APPBP2: variants seen among roughly 807,000 people sequenced by gnomAD.
APPBP2 encodes the protein amyloid beta precursor protein binding protein 2, also known as amyloid protein-binding protein 2.
A neutral mutation model predicts 76.0 loss-of-function variants in APPBP2; 15 were observed. The observed-to-expected ratio is 0.20, with a 90% CI of 0.13 to 0.30. The LOEUF (loss-of-function observed/expected upper bound fraction) is 0.30. Ranked by LOEUF, APPBP2 falls within the 10% of genes least tolerant of loss-of-function variation. APPBP2 has a pLI of 1.00. For synonymous variants in APPBP2, 222 were observed against 242.2 expected, an observed-to-expected ratio of 0.92 and a Z score of 0.77; for missense variants, 401 against 687.2, an observed-to-expected ratio of 0.58 and a Z score of 4.66.
intron 4 of APPBP2, among the ~76,000 whole-genome samples, chr17:60,472,393 T>C (rs2090559840): frequency 1.3e-5 from 2 of 152,242 alleles, no homozygotes; most frequent in African/African-American, 4.8e-5. Flanking sequence ...AGGTAAATTG[T>C]CCATTTCTAA....
chr17:60,459,225 T>G (rs933870581), intron 9 of APPBP2, among the ~76,000 whole-genome samples: 1 of 152,182 alleles, frequency 6.6e-6, no homozygotes, highest in Non-Finnish European at 1.5e-5. Flanking sequence ...TAGTTTGGGT[T>G]GACAGATAAT....
At chr17:60,517,804 A>G (rs973360527) in intron 1 of APPBP2, among the ~76,000 whole-genome samples, 9 of 152,162 alleles carry the variant, frequency 5.9e-5, no homozygotes, top group African/African-American at 2.2e-4. Context: ...GAATTCCTCC[A>G]GATTTTCTTT....
intron 1 of APPBP2, among the ~76,000 whole-genome samples, chr17:60,501,961 T>A (rs188128455): frequency 6.6e-6 from 1 of 152,190 alleles, no homozygotes; most frequent in Non-Finnish European, 1.5e-5. Context: ...CACCACATGC[T>A]CACGAAGGAA....
At chr17:60,460,538 A>C in intron 9 of APPBP2, 125 bp downstream of exon 9, 1 of 970,810 alleles carries the variant, frequency 1.0e-6, no homozygotes, top group Non-Finnish European at 1.4e-6. Context: ...CTCCAGGAAG[A>C]CAAGTTCAAT....
intron 12 of APPBP2, among the ~76,000 whole-genome samples, chr17:60,450,553 G>T (rs1017813714): frequency 6.6e-6 from 1 of 151,818 alleles, no homozygotes; most frequent in African/African-American, 2.4e-5. Flanking sequence ...AGGATTACTT[G>T]AGCTCAGGAG....
At chr17:60,450,507 GCC>G (rs1337684048) in intron 12 of APPBP2, among the ~76,000 whole-genome samples, 1 of 151,616 alleles carries the variant, frequency 6.6e-6, no homozygotes, top group Non-Finnish European at 1.5e-5. Flanking sequence ...AGTGGCTCAT[GCC>G]TATAATCCCA....
intron 8 of APPBP2, chr17:60,460,991 C>A (rs1567920770): frequency 1.2e-5 from 4 of 323,784 alleles, no homozygotes; most frequent in Non-Finnish European, 1.7e-5. Context: ...ACTTAAAAGG[C>A]CACGGCTTAA....
intron 1 of APPBP2, among the ~76,000 whole-genome samples, chr17:60,510,402 C>T (rs1418734038): frequency 2.6e-5 from 4 of 151,530 alleles, no homozygotes; most frequent in Non-Finnish European, 4.4e-5. Context: ...AATCCTGCCT[C>T]AAAACAAATA....
Position 60,526,019 on chromosome 17 carries a change from G to A in APPBP2, c.-88C>T. 14 of 1,343,326 alleles carry A rather than the reference G, an allele frequency of 1.0e-5. No homozygotes were observed. In the South Asian group the frequency reaches 1.7e-4, roughly 16 times the overall value. 83.2% of individuals were successfully genotyped at this position (1,343,326 alleles called of 1,614,324 possible). A position where few individuals can be genotyped will look rare whatever the true frequency, so the allele number is the denominator to read the frequency against. ...TAGCGAACCCCTCTGCGGCCCCGGA[G>A]GATTCGGAGGGGCGGTGGCAGCCAC... is the stretch of plus-strand genomic sequence containing the variant. On this transcript the variant is annotated 5_prime_UTR_variant, in exon 1 of 13. Coordinates refer to ENST00000083182, the MANE Select transcript of APPBP2 (RefSeq NM_006380.5).
chr17:60,493,436 A>G (rs1462353755), intron 3 of APPBP2, among the ~76,000 whole-genome samples: 1 of 152,142 alleles, frequency 6.6e-6, no homozygotes, highest in Non-Finnish European at 1.5e-5. Context: ...ACATTAAACA[A>G]TATTTTTCTA....
At chr17:60,486,560 A>G (rs2090679828) in intron 3 of APPBP2, among the ~76,000 whole-genome samples, 1 of 151,996 alleles carries the variant, frequency 6.6e-6, no homozygotes. Flanking sequence ...ATCTTTCTCC[A>G]TCCCTTTATT....
At chr17:60,462,131 A>G in intron 6 of APPBP2, 70 bp from the exon 7 acceptor site, 2 of 1,192,316 alleles carry the variant, frequency 1.7e-6, no homozygotes, top group Non-Finnish European at 2.5e-6. Flanking sequence ...TGTAGTTTAT[A>G]TATTCTGGCT....
chr17:60,513,458 T>C, intron 1 of APPBP2: 1 of 615,516 alleles, frequency 1.6e-6, no homozygotes, highest in East Asian at 3.0e-5. Flanking sequence ...TGTACTATAA[T>C]GCCAACAGGG....
intron 1 of APPBP2, among the ~76,000 whole-genome samples, chr17:60,508,344 T>A (rs2090885963): frequency 6.6e-6 from 1 of 152,126 alleles, no homozygotes; most frequent in African/African-American, 2.4e-5. Flanking sequence ...CTGACAAAGA[T>A]GCTAACCTTT....
intron 5 of APPBP2, among the ~76,000 whole-genome samples, chr17:60,465,907 C>T (rs921224044): frequency 6.6e-5 from 10 of 152,160 alleles, no homozygotes; most frequent in African/African-American, 1.9e-4. Context: ...ATAAATATGG[C>T]TCACTACACC....
At chr17:60,479,869 C>T (rs2090616646) in intron 3 of APPBP2, among the ~76,000 whole-genome samples, 1 of 152,142 alleles carries the variant, frequency 6.6e-6, no homozygotes, top group Non-Finnish European at 1.5e-5. Context: ...ACTACACGAA[C>T]TCACTCATTT....
At position 60,462,882 on chromosome 17, in the gene APPBP2, C is replaced by T. The variant is rs367710703; in HGVS notation, c.763-821G>A. ...GGAGAATGATGTGAACCCTGGGGGG[C>T]GGAGCCTGCAGTGACCCGAGATCGC... On this transcript the variant is annotated intron_variant, in intron 6 of 12. Transcript: ENST00000083182. Among the ~76,000 whole-genome samples, 39 of 147,500 alleles carry T rather than the reference C, an allele frequency of 2.6e-4. No homozygotes were observed. The East Asian group carries it at 5.8e-3, about 22-fold the overall frequency.
chr17:60,498,606 T>A (rs2090796004), intron 2 of APPBP2, among the ~76,000 whole-genome samples: 1 of 151,986 alleles, frequency 6.6e-6, no homozygotes. Flanking sequence ...GCAACAAGAA[T>A]GAACACACTG....
chr17:60,526,178 C>T lies in APPBP2; in HGVS notation c.-247G>A. The T allele has an allele frequency of 2.0e-6, 1 of 502,282 alleles. No individual in the cohort carries two copies. The highest frequency in any genetic ancestry group is 3.6e-6 in the Non-Finnish European group (1 of 275,186). The allele number at this position is 502,282 out of a possible 1,614,324, so 31.1% of individuals were successfully genotyped here. On this transcript the variant is annotated 5_prime_UTR_variant, in exon 1 of 13. Coordinates refer to ENST00000083182, the MANE Select transcript of APPBP2 (RefSeq NM_006380.5). The stretch of plus-strand genomic sequence containing the variant: ...CAGCCAGGCCAAAAGCGTCACAATC[C>T]CGGTTCGAGAGGAACCCGGGTTCCG...
Sources: allele counts gnomAD v4.1 joint callset (sites outside exome capture counted in the v4.1 genomes callset), GRCh38; gene constraint gnomAD v4.1.1; transcripts MANE v1.5; gene names NCBI Gene and HGNC (gene_info 2026-07-23, HGNC 2026-07-21).